The following USP45 variants were observed in gnomAD, a reference collection of about 807,000 sequenced individuals.
USP45 encodes ubiquitin carboxyl-terminal hydrolase 45.
Under a neutral mutation model 95.8 loss-of-function variants are expected in USP45, and 89 were observed. The ratio of observed to expected loss-of-function variants is 0.93; its 90% CI spans 0.78 to 1.11. The LOEUF is 1.11. Among genes scored for constraint, USP45 ranks in the 50% least tolerant of loss-of-function variants. The pLI is 0.00. For synonymous variants in USP45, 281 were observed against 316.2 expected (o/e 0.89, Z 1.18); for missense variants, 898 against 942.5 (o/e 0.95, Z 0.62).
chr6:99,437,997 T>G (rs1780826187), intron 16 of USP45, among the ~76,000 whole-genome samples: 1 of 152,238 alleles, frequency 6.6e-6, no homozygotes, highest in Non-Finnish European at 1.5e-5. Flanking sequence ...AAGTTCTGTA[T>G]GTATTACTCT....
chr6:99,462,420 A>T, intron 13 of USP45: 1 of 984,040 alleles, frequency 1.0e-6, no homozygotes. Context: ...CTAACTCTTT[A>T]AACTAAATAA....
In USP45 at chr6:99,439,468, G is replaced by A. The variant is rs926232058; in HGVS notation, c.2160+301C>T. Among the ~76,000 whole-genome samples the A allele has an allele frequency of 3.3e-5, 5 of 152,076 alleles. 1 individual carries two copies. The highest frequency in any genetic ancestry group is 4.1e-4 in the South Asian group (2 of 4,824). ...ATTAAACAGTTCACAAGGAACAATC[G>A]AGGACACAAAACCTCCTTCTCTCAG... On this transcript the variant is annotated intron_variant, in intron 16 of 17. Coordinates refer to ENST00000500704, the MANE Select transcript of USP45 (RefSeq NM_001346022.3).
At chr6:99,461,519 T>G in intron 13 of USP45, 1 of 985,420 alleles carries the variant, frequency 1.0e-6, no homozygotes, top group Non-Finnish European at 1.2e-6. Flanking sequence ...ACTGGATTAT[T>G]TGCCTGTTAT....
intron 15 of USP45, among the ~76,000 whole-genome samples, chr6:99,441,348 A>G (rs1474416626): frequency 6.6e-6 from 1 of 152,144 alleles, no homozygotes; most frequent in East Asian, 1.9e-4. Context: ...CCTGACTGAC[A>G]TGGTAAAACC....
At chr6:99,444,640 G>A (rs1365551365) in intron 14 of USP45, among the ~76,000 whole-genome samples, 3 of 152,132 alleles carry the variant, frequency 2.0e-5, no homozygotes, top group Admixed American at 2.0e-4. Context: ...CCAGGCACCT[G>A]ATAACTAGAG....
At chr6:99,510,324 C>T (rs1799506430) in intron 1 of USP45, 94 bp from the exon 2 acceptor site, 2 of 757,952 alleles carry the variant, frequency 2.6e-6, no homozygotes, top group Non-Finnish European at 4.3e-6. Context: ...GAAATGACTT[C>T]AATTTCAACT....
chr6:99,475,766 ATTAT>A (rs1456460769), intron 9 of USP45, among the ~76,000 whole-genome samples: 1 of 152,202 alleles, frequency 6.6e-6, no homozygotes, highest in East Asian at 1.9e-4. Context: ...AAAAAATTAA[ATTAT>A]TTCTCAACTG....
intron 17 of USP45, 126 bp downstream of exon 17, chr6:99,437,120 T>TC (rs1265804946): frequency 2.1e-4 from 152 of 727,226 alleles, no homozygotes; most frequent in Admixed American, 1.6e-3. Context: ...ATCAATCAAT[T>TC]AAGTTAAAAT....
chr6:99,471,569 C>T (rs1459541480), intron 9 of USP45, among the ~76,000 whole-genome samples: 1 of 152,054 alleles, frequency 6.6e-6, no homozygotes, highest in East Asian at 1.9e-4. Flanking sequence ...AAAAAGACTG[C>T]CTTATAAAAG....
At chr6:99,513,403 A>C (rs1800377413) in intron 1 of USP45, among the ~76,000 whole-genome samples, 1 of 152,222 alleles carries the variant, frequency 6.6e-6, no homozygotes, top group Non-Finnish European at 1.5e-5. Flanking sequence ...ATAAGGGAAA[A>C]GAGACATAAG....
chr6:99,467,782 AC>A (rs754662698), intron 10 of USP45, among the ~76,000 whole-genome samples: 40 of 152,208 alleles, frequency 2.6e-4, no homozygotes, highest in Non-Finnish European at 4.4e-4. Flanking sequence ...ACCCTTAATT[AC>A]AATAAAGTGC....
At chr6:99,463,139 T>C (rs983128781) in intron 13 of USP45, among the ~76,000 whole-genome samples, 9 of 152,200 alleles carry the variant, frequency 5.9e-5, no homozygotes, top group African/African-American at 1.9e-4. Context: ...CAGCCAGGTA[T>C]GTCCCTAGTG....
chr6:99,489,205 ACC>A (rs1181035070), intron 5 of USP45, among the ~76,000 whole-genome samples: 1 of 152,206 alleles, frequency 6.6e-6, no homozygotes, highest in Non-Finnish European at 1.5e-5. Flanking sequence ...TGCAAAATGA[ACC>A]CATAACATTT....
At chr6:99,445,776 T>C in intron 14 of USP45, 21 bp downstream of exon 14, 3 of 1,490,176 alleles carry the variant, frequency 2.0e-6, no homozygotes, top group South Asian at 2.7e-5. Flanking sequence ...TCAATAATTA[T>C]GTAATTAAAA....
At chr6:99,441,108 G>A (rs2128535650) in intron 15 of USP45, among the ~76,000 whole-genome samples, 1 of 152,194 alleles carries the variant, frequency 6.6e-6, no homozygotes, top group Non-Finnish European at 1.5e-5. Flanking sequence ...CCTGCACATT[G>A]GACATTTAAG....
Position 99,465,097 on chromosome 6 carries a change from G to A in USP45, c.1147C>T (p.Pro383Ser). ...VKDPFIDISL[P>S]IIEERVSKPL... The stretch of plus-strand genomic sequence containing the variant: ...CTCCTTACCCTTTCTTCTATTATAG[G>A]AAGTGAAATATCAATGAATGGATCT... Residue 383 changes from proline (P) to serine (S), a missense_variant, in exon 12 of 18, where the codon CCT becomes TCT. Transcript: ENST00000500704. 2 of 1,597,414 alleles carry A rather than the reference G, an allele frequency of 1.3e-6. No homozygotes were observed. The highest frequency in any genetic ancestry group is 1.7e-6 in the Non-Finnish European group (2 of 1,170,460).
chr6:99,478,216 A>G (rs1051857506), intron 8 of USP45, among the ~76,000 whole-genome samples: 9 of 114,928 alleles, frequency 7.8e-5, no homozygotes, highest in Non-Finnish European at 1.4e-4. Flanking sequence ...ATAAACTTAG[A>G]TTTGTTTTTT....
Position 99,445,841 on chromosome 6 carries a change from C to T in USP45, c.1931G>A (p.Cys644Tyr). Reference sequence around the variant, plus strand: ...TTGGTACTTCTGTTTGTTTTTAGTACAATTCTCACATAGAAGCTTATTATT... The same window carrying T: ...TTGGTACTTCTGTTTGTTTTTAGTATAATTCTCACATAGAAGCTTATTATT... ...MGNNKLLCEN[C>Y]TKNKQKYQEE... Residue 644 changes from cysteine (C) to tyrosine (Y), a missense_variant, in exon 14 of 18, where the codon TGT (cysteine) becomes TAT (tyrosine). Transcript: ENST00000500704. 6.3e-7 allele frequency: 1 copy of T among 1,594,964 alleles called. No individual in the cohort carries two copies.
chr6:99,474,183 C>T (rs1790220121), intron 9 of USP45, among the ~76,000 whole-genome samples: 1 of 152,118 alleles, frequency 6.6e-6, no homozygotes, highest in South Asian at 2.1e-4. Context: ...GACACTGCCA[C>T]ACTACAATTA....
Sources: gnomAD v4.1 joint callset for allele counts (sites outside exome capture counted in the v4.1 genomes callset) on GRCh38, gnomAD v4.1.1 for gene constraint, MANE v1.5 for transcripts, NCBI Gene and HGNC (gene_info 2026-07-23, HGNC 2026-07-21) for gene names.